Variants in DISC1 observed in about 807,000 individuals in gnomAD.
The protein encoded by DISC1 is disrupted in schizophrenia 1 protein.
A neutral mutation model predicts 84.5 loss-of-function variants in DISC1; 57 were observed. That is an observed-to-expected ratio of 0.67 (90% CI 0.55 to 0.84). The LOEUF is 0.84. Among genes scored for constraint, DISC1 ranks in the 40% least tolerant of loss-of-function variants. The probability of loss-of-function intolerance (pLI) is 0.00; values close to 1 mark genes in which losing one functional copy is unlikely to be tolerated. For missense variants in DISC1, 1,000 were observed against 1,057.8 expected, an observed-to-expected ratio of 0.95 and a Z score of 0.76; for synonymous variants, 411 against 415.2, an observed-to-expected ratio of 0.99 and a Z score of 0.12.
chr1:231,648,009 G>T (rs897152195), intron 1 of DISC1, among the ~76,000 whole-genome samples: 11 of 152,170 alleles, frequency 7.2e-5, no homozygotes, highest in African/African-American at 2.7e-4. Flanking sequence ...CTGCCAACAG[G>T]GACAATTTAA....
At chr1:231,900,125 C>A (rs2088030415) in intron 9 of DISC1, among the ~76,000 whole-genome samples, 1 of 152,206 alleles carries the variant, frequency 6.6e-6, no homozygotes, top group Non-Finnish European at 1.5e-5. Flanking sequence ...TTGCACCCTG[C>A]TGCCTTTCAC....
chr1:231,807,221 A>G (rs2079810675), intron 8 of DISC1, among the ~76,000 whole-genome samples: 1 of 152,226 alleles, frequency 6.6e-6, no homozygotes, highest in African/African-American at 2.4e-5. Flanking sequence ...CTGGTATCAC[A>G]GTCCTCATCT....
chr1:231,632,904 C>T (rs1269152060), intron 1 of DISC1, among the ~76,000 whole-genome samples: 1 of 152,148 alleles, frequency 6.6e-6, no homozygotes, highest in Non-Finnish European at 1.5e-5. Flanking sequence ...AAACCCATCT[C>T]TACTTAAAAT....
intron 9 of DISC1, among the ~76,000 whole-genome samples, chr1:231,830,721 G>A (rs1316778688): frequency 2.0e-5 from 3 of 152,106 alleles, no homozygotes; most frequent in South Asian, 2.1e-4. Flanking sequence ...AAAAAGGAGC[G>A]TCCATACAGG....
At chr1:231,753,299 G>A (rs2074802839) in intron 4 of DISC1, among the ~76,000 whole-genome samples, 1 of 152,276 alleles carries the variant, frequency 6.6e-6, no homozygotes, top group African/African-American at 2.4e-5. Context: ...AACCTAGGCA[G>A]AGGCTCCCAA....
chr1:231,909,796 C>T (rs1369690608), intron 9 of DISC1, among the ~76,000 whole-genome samples: 3 of 152,208 alleles, frequency 2.0e-5, no homozygotes, highest in East Asian at 1.9e-4. Flanking sequence ...GCTGTGAATC[C>T]GTCTGGTCCT....
At chr1:231,987,623 C>G (rs1246183721) in intron 10 of DISC1, among the ~76,000 whole-genome samples, 2 of 152,110 alleles carry the variant, frequency 1.3e-5, no homozygotes, top group African/African-American at 4.8e-5. Context: ...TCTGAACAAA[C>G]AAGAAGGACC....
chr1:232,024,750 G>A (rs1473834535), intron 11 of DISC1, among the ~76,000 whole-genome samples: 2 of 150,420 alleles, frequency 1.3e-5, no homozygotes, highest in Non-Finnish European at 2.9e-5. Flanking sequence ...CCACCACCAC[G>A]CCCAGCTAAT....
intron 9 of DISC1, among the ~76,000 whole-genome samples, chr1:231,886,251 C>T (rs1051177710): frequency 6.6e-6 from 1 of 152,192 alleles, no homozygotes; most frequent in African/African-American, 2.4e-5. Context: ...TAGCACTCCC[C>T]TATAGCAATG....
chr1:231,843,554 G>T, intron 9 of DISC1, among the ~76,000 whole-genome samples: 1 of 152,196 alleles, frequency 6.6e-6, no homozygotes, highest in Non-Finnish European at 1.5e-5. Context: ...GGAGGCCAGT[G>T]GCAGGAGAGA....
At chr1:231,930,540 ACAGT>A (rs2090596342) in intron 9 of DISC1, among the ~76,000 whole-genome samples, 1 of 152,140 alleles carries the variant, frequency 6.6e-6, no homozygotes, top group Admixed American at 6.5e-5. Flanking sequence ...CCTGGAAGTG[ACAGT>A]CAGGATTCAA....
chr1:232,035,839 A>G (rs559816458), intron 12 of DISC1, among the ~76,000 whole-genome samples: 25 of 152,326 alleles, frequency 1.6e-4, no homozygotes, highest in African/African-American at 5.1e-4. Flanking sequence ...TGTTGGTTAA[A>G]CATTCCCCTG....
At chr1:231,784,865 A>G (rs1479469528) in intron 6 of DISC1, among the ~76,000 whole-genome samples, 2 of 152,190 alleles carry the variant, frequency 1.3e-5, no homozygotes, top group East Asian at 3.8e-4. Flanking sequence ...CCACTGCACC[A>G]CACTGGCTTT....
intron 6 of DISC1, among the ~76,000 whole-genome samples, chr1:231,788,889 A>G (rs1299308689): frequency 1.6e-5 from 1 of 64,310 alleles, no homozygotes; most frequent in Non-Finnish European, 3.2e-5. Context: ...CTTCCACCCC[A>G]CCCCACCCCA....
In DISC1 at chr1:232,036,968, G is replaced by T. The variant is rs1022741139; in HGVS notation, c.*137G>T. 7 of 938,994 alleles carry T rather than the reference G, an allele frequency of 7.5e-6. No homozygotes were observed. The East Asian group carries it at 2.1e-4, about 28-fold the overall frequency. The allele number at this position is 938,994 out of a possible 1,614,324, so 58.2% of individuals were successfully genotyped here. ...CTTGAGGTCTTTCAGTGGAAAGGTG[G>T]TTCATGTTCATTCTCATCAGTGTGA... On this transcript the variant is annotated 3_prime_UTR_variant, in exon 13 of 13. Coordinates refer to ENST00000439617, the MANE Select transcript of DISC1 (RefSeq NM_018662.3).
chr1:231,930,221 T>C (rs1299547779), intron 9 of DISC1, among the ~76,000 whole-genome samples: 1 of 152,202 alleles, frequency 6.6e-6, no homozygotes, highest in Non-Finnish European at 1.5e-5. Context: ...CTTTAACCCT[T>C]GCGTTGTGCA....
At chr1:231,859,551 A>C (rs1177162326) in intron 9 of DISC1, among the ~76,000 whole-genome samples, 2 of 128,860 alleles carry the variant, frequency 1.6e-5, no homozygotes, top group Non-Finnish European at 3.2e-5. Flanking sequence ...AAACCCCTAC[A>C]TCTTAATACC....
intron 10 of DISC1, among the ~76,000 whole-genome samples, chr1:231,978,538 T>A (rs1416518105): frequency 6.6e-6 from 1 of 152,212 alleles, no homozygotes; most frequent in African/African-American, 2.4e-5. Context: ...ACTGGTTTTC[T>A]AGCATCCTAC....
chr1:231,872,190 T>A (rs1445977341), intron 9 of DISC1, among the ~76,000 whole-genome samples: 2 of 152,254 alleles, frequency 1.3e-5, no homozygotes, highest in African/African-American at 4.8e-5. Flanking sequence ...ACTTTAGTAC[T>A]TGATCACTTA....
Sources: allele counts gnomAD v4.1 joint callset (sites outside exome capture counted in the v4.1 genomes callset), GRCh38; gene constraint gnomAD v4.1.1; transcripts MANE v1.5; gene names NCBI Gene and HGNC (gene_info 2026-07-23, HGNC 2026-07-21).